DIAPH3: variants seen among roughly 807,000 people sequenced by gnomAD.
The protein encoded by DIAPH3 is diaphanous related formin 3.
In DIAPH3, 117 loss-of-function variants were observed where a neutral mutation model predicts 144.3. The ratio of observed to expected loss-of-function variants is 0.81; its 90% CI spans 0.70 to 0.95. The LOEUF (loss-of-function observed/expected upper bound fraction) is 0.95. Ranked by LOEUF, DIAPH3 falls within the 40% of genes least tolerant of loss-of-function variation. The pLI is 0.00. For missense variants in DIAPH3, 1,421 were observed against 1,412.7 expected (o/e 1.01, Z -0.09); for synonymous variants, 519 against 488.9 (o/e 1.06, Z -0.81).
rs1166736211 is a variant in DIAPH3, at chr13:59,666,550, T to C, written c.*34A>G. The C allele has an allele frequency of 1.2e-6, 2 of 1,612,892 alleles. No homozygotes were observed. Among genetic ancestry groups the C allele is most frequent in the Non-Finnish European group, 1.7e-6 (2 of 1,179,458 alleles). On this transcript the variant is annotated 3_prime_UTR_variant, in exon 28 of 28. Transcript: ENST00000400324. ...ATAGTTTAGAGCATGGCTTTATATT[T>C]GGCTTAATCATTTTTTTTAAAAACC... is the stretch of plus-strand genomic sequence containing the variant.
intron 27 of DIAPH3, among the ~76,000 whole-genome samples, chr13:59,732,359 G>A (rs1431633159): frequency 6.6e-6 from 1 of 150,384 alleles, no homozygotes; most frequent in Non-Finnish European, 1.5e-5. Flanking sequence ...ATTATAAATA[G>A]GACAAAACAA....
intron 1 of DIAPH3, among the ~76,000 whole-genome samples, chr13:60,162,347 T>C (rs1470633922): frequency 6.6e-6 from 1 of 152,042 alleles, no homozygotes; most frequent in Non-Finnish European, 1.5e-5. Context: ...CAAAATAAAA[T>C]AAGATTATTA....
chr13:60,140,432 C>T (rs1476646751), intron 1 of DIAPH3, among the ~76,000 whole-genome samples: 3 of 152,034 alleles, frequency 2.0e-5, no homozygotes, highest in Non-Finnish European at 4.4e-5. Context: ...CCTGAGATTT[C>T]CCCAAACATA....
At chr13:60,131,737 C>A (rs2059148453) in intron 2 of DIAPH3, among the ~76,000 whole-genome samples, 1 of 152,182 alleles carries the variant, frequency 6.6e-6, no homozygotes, top group African/African-American at 2.4e-5. Context: ...TACAATTCTT[C>A]TGAACAGATC....
chr13:59,926,939 A>G (rs540524862), intron 17 of DIAPH3, among the ~76,000 whole-genome samples: 13 of 152,314 alleles, frequency 8.5e-5, no homozygotes, highest in African/African-American at 2.9e-4. Flanking sequence ...TCCAACTACA[A>G]CTATATTGGA....
intron 27 of DIAPH3, among the ~76,000 whole-genome samples, chr13:59,759,658 C>T (rs1176325646): frequency 6.6e-6 from 1 of 152,120 alleles, no homozygotes; most frequent in Admixed American, 6.6e-5. Flanking sequence ...CAAACAGAGA[C>T]ACCAGTGTTT....
chr13:59,722,102 G>C lies in DIAPH3; in HGVS notation c.3319+52087C>G, dbSNP rs149167534. ...AAACATCTAATTATCCCTGTCAAAG[G>C]TTCTGCATTCAAAGCCCTTAGGAAT... On this transcript the variant is annotated intron_variant, in intron 27 of 27. Transcript: ENST00000400324. Among the ~76,000 whole-genome samples, 407 of 152,210 alleles carry C rather than the reference G, an allele frequency of 2.7e-3. 3 individuals are homozygous for C. The highest frequency in any genetic ancestry group is 9.2e-3 in the African/African-American group (384 of 41,526).
At chr13:60,000,940 C>A (rs2052489613) in intron 9 of DIAPH3, among the ~76,000 whole-genome samples, 2 of 152,130 alleles carry the variant, frequency 1.3e-5, no homozygotes, top group Admixed American at 1.3e-4. Flanking sequence ...AAGAACCGGG[C>A]TAAAGGAAAA....
chr13:59,784,925 T>A (rs1433614341), intron 25 of DIAPH3, among the ~76,000 whole-genome samples: 1 of 152,144 alleles, frequency 6.6e-6, no homozygotes, highest in Non-Finnish European at 1.5e-5. Context: ...GTTATAGAGA[T>A]TTTTGGGAAA....
intron 27 of DIAPH3, among the ~76,000 whole-genome samples, chr13:59,742,439 C>T (rs2036502169): frequency 6.6e-6 from 1 of 152,096 alleles, no homozygotes; most frequent in South Asian, 2.1e-4. Flanking sequence ...CCTAATGTCT[C>T]TGTGCATCCT....
At chr13:60,105,496 A>G (rs867549351) in intron 3 of DIAPH3, among the ~76,000 whole-genome samples, 4 of 152,156 alleles carry the variant, frequency 2.6e-5, no homozygotes, top group Non-Finnish European at 5.9e-5. Context: ...GAAACAACTA[A>G]ACACTGACAT....
chr13:59,877,296 T>C (rs1191398428), intron 21 of DIAPH3, among the ~76,000 whole-genome samples: 1 of 152,078 alleles, frequency 6.6e-6, no homozygotes, highest in Non-Finnish European at 1.5e-5. Flanking sequence ...GACCTTTCTC[T>C]CTTCTCTGCC....
At chr13:59,938,430 G>C (rs560141170) in intron 17 of DIAPH3, among the ~76,000 whole-genome samples, 1 of 152,140 alleles carries the variant, frequency 6.6e-6, no homozygotes, top group East Asian at 1.9e-4. Flanking sequence ...GCAACAAAAT[G>C]AGTACTCATC....
chr13:59,766,458 T>G (rs2037862512), intron 27 of DIAPH3, among the ~76,000 whole-genome samples: 2 of 152,150 alleles, frequency 1.3e-5, no homozygotes, highest in African/African-American at 4.8e-5. Flanking sequence ...CTCCTAATTC[T>G]CAGAGAAAAC....
intron 27 of DIAPH3, among the ~76,000 whole-genome samples, chr13:59,727,794 T>C (rs2035680499): frequency 6.6e-6 from 1 of 152,128 alleles, no homozygotes; most frequent in Non-Finnish European, 1.5e-5. Flanking sequence ...AAGGCCTGGC[T>C]GCGGCTTCAT....
At chr13:59,702,395 C>T (rs1289026986) in intron 27 of DIAPH3, among the ~76,000 whole-genome samples, 5 of 152,050 alleles carry the variant, frequency 3.3e-5, no homozygotes, top group African/African-American at 9.7e-5. Context: ...GAAAATGAAG[C>T]GTTATATTGG....
At chr13:60,130,115 G>A (rs937835684) in intron 2 of DIAPH3, among the ~76,000 whole-genome samples, 1 of 152,194 alleles carries the variant, frequency 6.6e-6, no homozygotes, top group Non-Finnish European at 1.5e-5. Flanking sequence ...GAGCTAATAA[G>A]AGGTAAAATT....
At chr13:59,776,767 G>A (rs2038437318) in intron 25 of DIAPH3, among the ~76,000 whole-genome samples, 1 of 152,102 alleles carries the variant, frequency 6.6e-6, no homozygotes. Context: ...GTGATTCTCA[G>A]ACTATTGTGT....
intron 5 of DIAPH3, among the ~76,000 whole-genome samples, chr13:60,023,079 T>G (rs903199844): frequency 6.6e-6 from 1 of 152,206 alleles, no homozygotes; most frequent in Non-Finnish European, 1.5e-5. Flanking sequence ...TTAATTGCTG[T>G]CTGCTCTGCT....
Sources: gnomAD v4.1 joint callset for allele counts (sites outside exome capture counted in the v4.1 genomes callset) on GRCh38, gnomAD v4.1.1 for gene constraint, MANE v1.5 for transcripts, NCBI Gene and HGNC (gene_info 2026-07-23, HGNC 2026-07-21) for gene names.